GRIK4: variants seen among roughly 807,000 people sequenced by gnomAD.
The protein encoded by GRIK4 is glutamate ionotropic receptor kainate type subunit 4, also known as glutamate receptor ionotropic, kainate 4.
Under a neutral mutation model 104.9 loss-of-function variants are expected in GRIK4, and 40 were observed. That is an observed-to-expected ratio of 0.38 (90% CI 0.30 to 0.50). The LOEUF (loss-of-function observed/expected upper bound fraction) is 0.50, where lower values mean the gene tolerates loss of function less well. Ranked by LOEUF, GRIK4 falls within the 20% of genes least tolerant of loss-of-function variation. The pLI, the probability that GRIK4 is intolerant of heterozygous loss-of-function variation, is 0.93. For missense variants in GRIK4, 1,047 were observed against 1,308.1 expected, an observed-to-expected ratio of 0.80 and a Z score of 3.08; for synonymous variants, 485 against 524.9, an observed-to-expected ratio of 0.92 and a Z score of 1.04.
intron 3 of GRIK4, among the ~76,000 whole-genome samples, chr11:120,700,569 C>T (rs1363231367): frequency 6.6e-6 from 1 of 152,180 alleles, no homozygotes; most frequent in Non-Finnish European, 1.5e-5. Flanking sequence ...AGCAATTCTC[C>T]TGCCTCAGCC....
At chr11:120,838,819 C>G (rs553747827) in intron 8 of GRIK4, among the ~76,000 whole-genome samples, 2 of 152,136 alleles carry the variant, frequency 1.3e-5, no homozygotes, top group African/African-American at 4.8e-5. Flanking sequence ...GAATCTCGCT[C>G]TGTCACCCAG....
chr11:120,768,031 GT>G (rs111604415), intron 3 of GRIK4, among the ~76,000 whole-genome samples: 2,015 of 141,490 alleles, frequency 0.014, 41 homozygotes, highest in African/African-American at 0.042. Flanking sequence ...GATATTAAGG[GT>G]TTTTTTTTTT....
At chr11:120,544,948 G>A (rs1948070904) in intron 1 of GRIK4, among the ~76,000 whole-genome samples, 1 of 152,184 alleles carries the variant, frequency 6.6e-6, no homozygotes, top group South Asian at 2.1e-4. Context: ...CCCAGGGTGC[G>A]CTCAGTGTGG....
intron 1 of GRIK4, among the ~76,000 whole-genome samples, chr11:120,632,571 CT>C (rs1949345290): frequency 6.6e-6 from 1 of 152,144 alleles, no homozygotes; most frequent in Non-Finnish European, 1.5e-5. Flanking sequence ...AAGTCTAACA[CT>C]TGTCCCCGTT....
intron 11 of GRIK4, among the ~76,000 whole-genome samples, chr11:120,879,001 C>T (rs564225997): frequency 3.9e-5 from 6 of 152,310 alleles, no homozygotes; most frequent in African/African-American, 1.4e-4. Flanking sequence ...ACACCACATG[C>T]GCACTTTGCA....
intron 1 of GRIK4, among the ~76,000 whole-genome samples, chr11:120,639,843 T>C (rs190168646): frequency 6.6e-6 from 1 of 152,284 alleles, no homozygotes; most frequent in East Asian, 1.9e-4. Flanking sequence ...GTCATCCCTT[T>C]ATGTAAAAAT....
Position 120,532,776 on chromosome 11 carries a change from G to A in GRIK4, c.-159+20889G>A, listed in dbSNP as rs932014940. Among the ~76,000 whole-genome samples, 8 of 152,258 alleles carry A rather than the reference G, an allele frequency of 5.3e-5. No homozygotes were observed. The South Asian group carries it at 1.7e-3, about 32-fold the overall frequency. ...TTTTCTGAAGTATCTGGAGACTCGG[G>A]ACAAAGACAGTCGGCCTGTCTTTGT... is the stretch of plus-strand genomic sequence containing the variant. On this transcript the variant is annotated intron_variant, in intron 1 of 20. Coordinates refer to ENST00000527524, the MANE Select transcript of GRIK4 (RefSeq NM_014619.5).
At chr11:120,545,548 A>T (rs554574222) in intron 1 of GRIK4, among the ~76,000 whole-genome samples, 32 of 152,318 alleles carry the variant, frequency 2.1e-4, no homozygotes, top group African/African-American at 7.7e-4. Flanking sequence ...TCTTTTGTGT[A>T]TGAGGAAAAC....
At chr11:120,630,358 A>G (rs1949319053) in intron 1 of GRIK4, among the ~76,000 whole-genome samples, 1 of 152,380 alleles carries the variant, frequency 6.6e-6, no homozygotes, top group South Asian at 2.1e-4. Context: ...GAAAGCAGAA[A>G]GAAACATGCT....
At chr11:120,834,264 G>GTGTA (rs1491512982) in intron 7 of GRIK4, among the ~76,000 whole-genome samples, 5 of 6,216 alleles carry the variant, frequency 8.0e-4, no homozygotes, top group African/African-American at 4.6e-3. Context: ...CACTTTATAG[G>GTGTA]TGTGTGTGTG....
intron 13 of GRIK4, among the ~76,000 whole-genome samples, chr11:120,929,751 A>T (rs575291020): frequency 6.6e-6 from 1 of 152,128 alleles, no homozygotes; most frequent in African/African-American, 2.4e-5. Flanking sequence ...TGGGCGTCCC[A>T]CATGACACCG....
chr11:120,677,595 G>A (rs1044562898), intron 3 of GRIK4, among the ~76,000 whole-genome samples: 2 of 152,216 alleles, frequency 1.3e-5, no homozygotes, highest in African/African-American at 4.8e-5. Flanking sequence ...GTTGGTACAT[G>A]TTCTAAATGT....
intron 1 of GRIK4, among the ~76,000 whole-genome samples, chr11:120,571,351 G>A (rs1041739535): frequency 3.3e-5 from 5 of 152,100 alleles, no homozygotes; most frequent in African/African-American, 1.2e-4. Flanking sequence ...CACTCTGGCT[G>A]GTTGCCTTCC....
intron 8 of GRIK4, among the ~76,000 whole-genome samples, chr11:120,856,340 G>C (rs952808206): frequency 6.6e-6 from 1 of 152,112 alleles, no homozygotes; most frequent in South Asian, 2.1e-4. Flanking sequence ...GGCACCAAGG[G>C]GCACCATTCA....
intron 3 of GRIK4, among the ~76,000 whole-genome samples, chr11:120,710,998 G>GGC (rs1555046772): frequency 9.5e-6 from 1 of 105,036 alleles, no homozygotes; most frequent in African/African-American, 5.2e-5. Context: ...CCTGTGAGGT[G>GGC]GGGAGGGGGT....
At chr11:120,591,863 C>T (rs1333472318) in intron 1 of GRIK4, among the ~76,000 whole-genome samples, 1 of 152,206 alleles carries the variant, frequency 6.6e-6, no homozygotes, top group Non-Finnish European at 1.5e-5. Flanking sequence ...CCTCCCTCCT[C>T]TTCTGTATTT....
intron 3 of GRIK4, among the ~76,000 whole-genome samples, chr11:120,756,247 C>T (rs187155582): frequency 2.4e-4 from 37 of 152,304 alleles, no homozygotes; most frequent in Admixed American, 1.0e-3. Flanking sequence ...TGTGTGCCCA[C>T]GCTATATACT....
intron 1 of GRIK4, among the ~76,000 whole-genome samples, chr11:120,516,740 C>T (rs1287839599): frequency 2.0e-5 from 3 of 152,098 alleles, no homozygotes; most frequent in Non-Finnish European, 4.4e-5. Context: ...ATGAAGGAGC[C>T]GGAAGTGTCA....
intron 11 of GRIK4, among the ~76,000 whole-genome samples, chr11:120,886,993 T>G (rs1955136064): frequency 6.6e-6 from 1 of 152,204 alleles, no homozygotes. Flanking sequence ...TTTGAATGCC[T>G]CCAGTGTCAA....
Sources: allele counts gnomAD v4.1 joint callset (sites outside exome capture counted in the v4.1 genomes callset), GRCh38; gene constraint gnomAD v4.1.1; transcripts MANE v1.5; gene names NCBI Gene and HGNC (gene_info 2026-07-23, HGNC 2026-07-21).